The following CEP128 variants were observed in gnomAD, a reference collection of about 807,000 sequenced individuals.
CEP128 encodes centrosomal protein 128kDa.
CEP128 carries 132 observed loss-of-function variants against 156.7 expected under a neutral mutation model. That is an observed-to-expected ratio of 0.84 (90% CI 0.73 to 0.97). CEP128 has a LOEUF of 0.97. Ranked by LOEUF, CEP128 falls within the 50% of genes least tolerant of loss-of-function variation. CEP128 has a pLI of 0.00. For missense variants in CEP128, 1,252 were observed against 1,281.9 expected (o/e 0.98, Z 0.36); for synonymous variants, 469 against 448.9 (o/e 1.04, Z -0.57).
chr14:80,703,089 C>T (rs1323551207), intron 19 of CEP128, among the ~76,000 whole-genome samples: 1 of 151,948 alleles, frequency 6.6e-6, no homozygotes, highest in African/African-American at 2.4e-5. Flanking sequence ...CACAGATTGG[C>T]AGATGAGGTA....
chr14:80,742,109 T>C (rs1375053769), intron 19 of CEP128, among the ~76,000 whole-genome samples: 1 of 152,222 alleles, frequency 6.6e-6, no homozygotes, highest in Non-Finnish European at 1.5e-5. Context: ...GATTAAAGTG[T>C]TCATTACGTC....
At chr14:80,648,156 C>T (rs1301183713) in intron 19 of CEP128, among the ~76,000 whole-genome samples, 2 of 152,010 alleles carry the variant, frequency 1.3e-5, no homozygotes, top group East Asian at 1.9e-4. Context: ...TGAAAGCTTA[C>T]CAGTGTAATG....
chr14:80,551,966 C>T (rs1213229446), intron 21 of CEP128, among the ~76,000 whole-genome samples: 2 of 152,106 alleles, frequency 1.3e-5, no homozygotes, highest in African/African-American at 4.8e-5. Context: ...CCTTAAAGTG[C>T]CTGGGAAAAT....
intron 18 of CEP128, among the ~76,000 whole-genome samples, chr14:80,743,909 T>C (rs1898964562): frequency 6.6e-6 from 1 of 151,436 alleles, no homozygotes; most frequent in African/African-American, 2.4e-5. Context: ...TCTCACTCTG[T>C]CGCCCGGGAT....
chr14:80,578,356 C>T (rs983788061), intron 20 of CEP128, among the ~76,000 whole-genome samples: 1 of 152,034 alleles, frequency 6.6e-6, no homozygotes, highest in Non-Finnish European at 1.5e-5. Context: ...ATACCCCCTA[C>T]CCCTAAGGAG....
At chr14:80,613,528 C>T (rs1431178128) in intron 19 of CEP128, among the ~76,000 whole-genome samples, 1 of 151,446 alleles carries the variant, frequency 6.6e-6, no homozygotes, top group Admixed American at 6.6e-5. Context: ...CCAGGATGGT[C>T]TCAATCTCCT....
At chr14:80,860,147 T>C (rs1196094944) in intron 9 of CEP128, among the ~76,000 whole-genome samples, 2 of 152,172 alleles carry the variant, frequency 1.3e-5, no homozygotes, top group African/African-American at 4.8e-5. Context: ...TTTCCTCTCC[T>C]TAAACATGAC....
intron 14 of CEP128, among the ~76,000 whole-genome samples, chr14:80,480,706 C>T (rs762005773): frequency 6.6e-6 from 1 of 152,178 alleles, no homozygotes. Context: ...AACTGCATGA[C>T]TTTAACAGTA....
At chr14:80,779,537 T>G (rs327459) in intron 15 of CEP128, among the ~76,000 whole-genome samples, 52,246 of 152,094 alleles carry the variant, frequency 0.34, 9,393 homozygotes, top group South Asian at 0.5. Context: ...ATACAAAGAA[T>G]TCCCCCTAAA....
rs1893620040 is a variant in CEP128 at position 80,624,371 on chromosome 14, GA to G, written c.2807-43949del. ...TTCCATGTCTTAGCTATTATGAATA[GA>G]GCTGAAATAAACATTGGGGTGCAGG... is the stretch of plus-strand genomic sequence containing the variant. On this transcript the variant is annotated intron_variant, in intron 19 of 24. Coordinates refer to ENST00000555265, the MANE Select transcript of CEP128 (RefSeq NM_152446.5). 2.6e-5 allele frequency among the ~76,000 whole-genome samples: 4 copies of G among 152,240 alleles called. No homozygotes were observed. In the South Asian group the frequency reaches 8.3e-4, roughly 32 times the overall value.
chr14:80,526,161 C>T (rs185464341), intron 23 of CEP128, among the ~76,000 whole-genome samples: 2 of 152,114 alleles, frequency 1.3e-5, no homozygotes, highest in African/African-American at 2.4e-5. Flanking sequence ...GCATCTAGTG[C>T]GTACATTTTA....
chr14:80,926,891 G>A (rs1885180803), intron 2 of CEP128, among the ~76,000 whole-genome samples: 1 of 152,204 alleles, frequency 6.6e-6, no homozygotes, highest in Admixed American at 6.5e-5. Context: ...TACTACTACA[G>A]CTGGCATTTG....
At chr14:80,487,205 A>G (rs1462936638), downstream of CEP128, among the ~76,000 whole-genome samples, 1 of 152,096 alleles carries the variant, frequency 6.6e-6, no homozygotes, top group Non-Finnish European at 1.5e-5. Flanking sequence ...TGGAAAACAA[A>G]AAAAGGCAGG....
chr14:80,890,769 T>A (rs1248307173), intron 8 of CEP128, among the ~76,000 whole-genome samples: 1 of 152,138 alleles, frequency 6.6e-6, no homozygotes, highest in East Asian at 1.9e-4. Flanking sequence ...GTTCTGCACA[T>A]GTATCACAGA....
At chr14:80,528,448 C>T (rs1227691741) in intron 22 of CEP128, among the ~76,000 whole-genome samples, 1 of 152,198 alleles carries the variant, frequency 6.6e-6, no homozygotes, top group African/African-American at 2.4e-5. Flanking sequence ...GCCATCACGC[C>T]CAGCTAATTT....
chr14:80,616,371 T>C (rs550632519), intron 19 of CEP128, among the ~76,000 whole-genome samples: 1 of 152,214 alleles, frequency 6.6e-6, no homozygotes, highest in African/African-American at 2.4e-5. Flanking sequence ...CATGTCATTA[T>C]ATAGAGATGA....
intron 9 of CEP128, among the ~76,000 whole-genome samples, chr14:80,842,894 C>T (rs1189686232): frequency 6.6e-6 from 1 of 151,950 alleles, no homozygotes; most frequent in Non-Finnish European, 1.5e-5. Flanking sequence ...ACAGCAACAA[C>T]AATGAGCCTT....
At chr14:80,552,322 C>A (rs1329754738) in intron 21 of CEP128, among the ~76,000 whole-genome samples, 2 of 148,316 alleles carry the variant, frequency 1.3e-5, no homozygotes, top group East Asian at 2.0e-4. Context: ...AAAAAAAAAA[C>A]ACAAATAAAA....
intron 20 of CEP128, among the ~76,000 whole-genome samples, chr14:80,571,083 C>A (rs756307846): frequency 1.3e-5 from 2 of 152,118 alleles, no homozygotes; most frequent in Non-Finnish European, 2.9e-5. Flanking sequence ...AATACCACTG[C>A]GGAAACAGCA....
Sources: gnomAD v4.1 joint callset for allele counts (sites outside exome capture counted in the v4.1 genomes callset) on GRCh38, gnomAD v4.1.1 for gene constraint, MANE v1.5 for transcripts, NCBI Gene and HGNC (gene_info 2026-07-23, HGNC 2026-07-21) for gene names.